RPS6KC1: variants seen among roughly 807,000 people sequenced by gnomAD.
RPS6KC1 encodes the protein inactive ribosomal protein S6 kinase delta-1.
In RPS6KC1, 54 loss-of-function variants were observed where a neutral mutation model predicts 103.8. The observed-to-expected ratio is 0.52, with a 90% CI of 0.42 to 0.65. The LOEUF (loss-of-function observed/expected upper bound fraction) is 0.65. RPS6KC1 is among the 30% of genes least tolerant of loss of function. The pLI is 0.00. For synonymous variants in RPS6KC1, 439 were observed against 438.7 expected, an observed-to-expected ratio of 1.00 and a Z score of -0.01; for missense variants, 1,151 against 1,253.8, an observed-to-expected ratio of 0.92 and a Z score of 1.24.
In RPS6KC1 at chr1:213,241,445, C is replaced by G. The variant is rs755859762; in HGVS notation, c.1969C>G (p.Gln657Glu). The part of the protein sequence containing the change: ...TSESKVEFKA[Q>E]DTISRGSDDS... ...TGAAAGCAAGGTAGAGTTTAAAGCT[C>G]AGGACACCATTAGCAGGGGCTCAGA... The change falls in exon 11 of 15, where the codon CAG (glutamine) becomes GAG (glutamate). Residue 657 changes from glutamine to glutamate, a missense_variant. Transcript: ENST00000366960. The G allele has an allele frequency of 3.1e-6, 5 of 1,613,910 alleles. No homozygotes were observed. The highest frequency in any genetic ancestry group is 4.2e-6 in the Non-Finnish European group (5 of 1,179,940).
the RPS6KC1 span, among the ~76,000 whole-genome samples, chr1:213,456,510 T>C: frequency 6.6e-6 from 1 of 152,308 alleles, no homozygotes; most frequent in East Asian, 1.9e-4. Flanking sequence ...TTCTGACTGC[T>C]GGTCTTCCTA....
chr1:213,165,590 A>AT, intron 6 of RPS6KC1, among the ~76,000 whole-genome samples: 1 of 152,046 alleles, frequency 6.6e-6, no homozygotes, highest in Middle Eastern at 3.4e-3. Context: ...CACCTGGCTA[A>AT]TTTTTTGTAT....
the RPS6KC1 span, among the ~76,000 whole-genome samples, chr1:213,529,215 C>T: frequency 6.6e-6 from 1 of 151,290 alleles, no homozygotes; most frequent in Admixed American, 6.6e-5. Context: ...GGGGATTTGA[C>T]TTAGTTGGGG....
intron 12 of RPS6KC1, among the ~76,000 whole-genome samples, chr1:213,243,595 C>T (rs2094402801): frequency 6.6e-6 from 1 of 152,166 alleles, no homozygotes; most frequent in African/African-American, 2.4e-5. Flanking sequence ...TTATAGGTAG[C>T]ATAAGCATAT....
chr1:213,104,825 C>T (rs534895112), intron 4 of RPS6KC1, among the ~76,000 whole-genome samples: 6 of 150,294 alleles, frequency 4.0e-5, no homozygotes, highest in Non-Finnish European at 7.4e-5. Flanking sequence ...GTGATCATGG[C>T]GTACTATAGT....
At chr1:213,811,107 A>C in the RPS6KC1 span, among the ~76,000 whole-genome samples, 1 of 152,210 alleles carries the variant, frequency 6.6e-6, no homozygotes, top group Non-Finnish European at 1.5e-5. Context: ...CACTCTACTT[A>C]CAACTCCAGA....
At chr1:213,276,794 T>C (rs952496980), downstream of RPS6KC1, among the ~76,000 whole-genome samples, 1 of 152,290 alleles carries the variant, frequency 6.6e-6, no homozygotes, top group African/African-American at 2.4e-5. Context: ...CTCATTCAGT[T>C]CTACACTGGA....
intron 6 of RPS6KC1, among the ~76,000 whole-genome samples, chr1:213,133,118 A>G (rs2085845444): frequency 6.6e-6 from 1 of 152,190 alleles, no homozygotes; most frequent in Admixed American, 6.5e-5. Flanking sequence ...TTGGAATGAA[A>G]GGACTGTCTA....
the RPS6KC1 span, among the ~76,000 whole-genome samples, chr1:213,498,993 C>T: frequency 5.1e-4 from 76 of 150,046 alleles, no homozygotes; most frequent in African/African-American, 1.6e-3. Context: ...TTGTCCAGGC[C>T]GGTCTCGAAC....
the RPS6KC1 span, among the ~76,000 whole-genome samples, chr1:213,431,755 T>C: frequency 6.6e-6 from 1 of 152,140 alleles, no homozygotes; most frequent in African/African-American, 2.4e-5. Context: ...TTATGAATAA[T>C]AGTGTTATGA....
chr1:213,827,992 C>G, the RPS6KC1 span, among the ~76,000 whole-genome samples: 1 of 152,124 alleles, frequency 6.6e-6, no homozygotes, highest in South Asian at 2.1e-4. Context: ...GTTTTCAGGC[C>G]TCTTCTTTCT....
At chr1:213,413,806 C>T in the RPS6KC1 span, among the ~76,000 whole-genome samples, 1 of 152,142 alleles carries the variant, frequency 6.6e-6, no homozygotes, top group African/African-American at 2.4e-5. Context: ...TGCATAAAGA[C>T]CAGGAACCCA....
chr1:213,157,810 T>C (rs930007526), intron 6 of RPS6KC1, among the ~76,000 whole-genome samples: 3 of 152,216 alleles, frequency 2.0e-5, no homozygotes, highest in Non-Finnish European at 4.4e-5. Flanking sequence ...TCTGTTTCCT[T>C]ATTTCTGTCA....
chr1:213,644,861 A>T, the RPS6KC1 span, among the ~76,000 whole-genome samples: 1 of 152,180 alleles, frequency 6.6e-6, no homozygotes, highest in Non-Finnish European at 1.5e-5. Flanking sequence ...AGAGTTATCA[A>T]ACCTTTTGAT....
intron 4 of RPS6KC1, among the ~76,000 whole-genome samples, chr1:213,115,424 T>C (rs890430597): frequency 1.3e-5 from 2 of 152,166 alleles, no homozygotes; most frequent in Non-Finnish European, 2.9e-5. Context: ...TTTTATTGCG[T>C]CTATTTGATT....
chr1:213,604,084 T>A, the RPS6KC1 span, among the ~76,000 whole-genome samples: 1 of 152,214 alleles, frequency 6.6e-6, no homozygotes, highest in Admixed American at 6.5e-5. Flanking sequence ...TGTTCTTTTT[T>A]AACTTTAGAA....
At chr1:213,613,384 G>T in the RPS6KC1 span, among the ~76,000 whole-genome samples, 1 of 152,168 alleles carries the variant, frequency 6.6e-6, no homozygotes, top group Admixed American at 6.5e-5. Context: ...GATGAGATTT[G>T]GACTAGAGTC....
chr1:213,796,558 G>T, the RPS6KC1 span, among the ~76,000 whole-genome samples: 2 of 152,222 alleles, frequency 1.3e-5, no homozygotes, highest in South Asian at 2.1e-4. Context: ...CATAGCAAAA[G>T]GTACCTCAAT....
chr1:213,498,936 C>A, the RPS6KC1 span, among the ~76,000 whole-genome samples: 2 of 151,826 alleles, frequency 1.3e-5, no homozygotes, highest in African/African-American at 4.8e-5. Context: ...CCCACTGCCA[C>A]GCTCAGCTGA....
Sources: gnomAD v4.1 joint callset for allele counts (sites outside exome capture counted in the v4.1 genomes callset) on GRCh38, gnomAD v4.1.1 for gene constraint, MANE v1.5 for transcripts, NCBI Gene and HGNC (gene_info 2026-07-23, HGNC 2026-07-21) for gene names.